Variants in NPAT observed in about 807,000 individuals in gnomAD.
NPAT encodes the protein protein NPAT.
NPAT carries 52 observed loss-of-function variants against 130.7 expected under a neutral mutation model. The ratio of observed to expected loss-of-function variants is 0.40; its 90% CI spans 0.32 to 0.50. The LOEUF is 0.50. NPAT is among the 20% of genes least tolerant of loss of function. The pLI, the probability that NPAT is intolerant of heterozygous loss-of-function variation, is 0.68. For missense variants in NPAT, 1,687 were observed against 1,662.6 expected, an observed-to-expected ratio of 1.01 and a Z score of -0.26; for synonymous variants, 580 against 584.8, an observed-to-expected ratio of 0.99 and a Z score of 0.12.
At chr11:108,210,616 T>C (rs2078375282) in intron 1 of NPAT, among the ~76,000 whole-genome samples, 2 of 152,134 alleles carry the variant, frequency 1.3e-5, no homozygotes, top group African/African-American at 4.8e-5. Flanking sequence ...TGTTTCTTCA[T>C]AGAAACACAA....
intron 15 of NPAT, among the ~76,000 whole-genome samples, chr11:108,168,665 G>A (rs1295209630): frequency 1.3e-5 from 2 of 152,168 alleles, no homozygotes; most frequent in African/African-American, 4.8e-5. Context: ...CTCAGCCACC[G>A]CTGGTTAAAA....
chr11:108,177,710 T>C (rs1310649849), intron 10 of NPAT, among the ~76,000 whole-genome samples: 1 of 116,054 alleles, frequency 8.6e-6, no homozygotes, highest in Non-Finnish European at 2.0e-5. Context: ...AATCATACTA[T>C]AAAGTTCCCT....
At chr11:108,198,145 G>A (rs894911361) in intron 1 of NPAT, among the ~76,000 whole-genome samples, 5 of 152,290 alleles carry the variant, frequency 3.3e-5, no homozygotes, top group African/African-American at 1.2e-4. Context: ...AATATAGACT[G>A]CATAAAATTA....
At chr11:108,190,312 CAAAAAAAAAAAA>C (rs71047681) in intron 5 of NPAT, 136 bp downstream of exon 5, 9 of 340,440 alleles carry the variant, frequency 2.6e-5, no homozygotes, top group South Asian at 1.0e-4. Flanking sequence ...GACACTGTCT[CAAAAAAAAAAAA>C]AAAAAAAAAA....
chr11:108,172,170 A>G, intron 13 of NPAT, 29 bp downstream of exon 13: 1 of 1,597,598 alleles, frequency 6.3e-7, no homozygotes, highest in Non-Finnish European at 8.6e-7. Flanking sequence ...ACCCAGAGAA[A>G]CAAATTTCAA....
intron 10 of NPAT, among the ~76,000 whole-genome samples, chr11:108,179,816 AAAG>A (rs900162316): frequency 3.9e-5 from 6 of 152,068 alleles, no homozygotes; most frequent in African/African-American, 1.4e-4. Context: ...AATAAAATAA[AAAG>A]AAATCATAAG....
chr11:108,163,744 T>C (rs574313553), intron 15 of NPAT, among the ~76,000 whole-genome samples: 4 of 152,236 alleles, frequency 2.6e-5, no homozygotes, highest in East Asian at 1.9e-4. Flanking sequence ...TCAACAGTTA[T>C]AGAGAAAGCA....
chr11:108,169,856 G>A lies in NPAT; in HGVS notation c.2902-4C>T, dbSNP rs1481254375. ...CTGTCAAAGGCATATGAAGAACCTG[G>A]AAGAGAAAAAGCCATTAATTACACT... On this transcript the variant is annotated splice_polypyrimidine_tract_variant and splice_region_variant and intron_variant, in intron 14 of 17. Transcript: ENST00000278612. The A allele has an allele frequency of 6.2e-7, 1 of 1,612,728 alleles. No homozygotes were observed. The highest frequency in any genetic ancestry group is 1.7e-5 in the Admixed American group (1 of 59,992).
At chr11:108,180,661 A>T (rs2078050541) in intron 10 of NPAT, among the ~76,000 whole-genome samples, 2 of 152,218 alleles carry the variant, frequency 1.3e-5, no homozygotes, top group Admixed American at 6.5e-5. Context: ...CAAACAATGA[A>T]AAATAGAATT....
At chr11:108,202,521 G>A (rs149939096) in intron 1 of NPAT, among the ~76,000 whole-genome samples, 35 of 152,262 alleles carry the variant, frequency 2.3e-4, no homozygotes, top group African/African-American at 7.7e-4. Flanking sequence ...TCATCTACCA[G>A]CTACCAGCCA....
chr11:108,214,785 A>C (rs1396782748), intron 1 of NPAT, among the ~76,000 whole-genome samples: 1 of 152,046 alleles, frequency 6.6e-6, no homozygotes, highest in Non-Finnish European at 1.5e-5. Context: ...GACGCCTGCC[A>C]CCATGCCTGG....
chr11:108,181,123 G>T (rs2078054384), intron 10 of NPAT, among the ~76,000 whole-genome samples: 1 of 152,172 alleles, frequency 6.6e-6, no homozygotes, highest in African/African-American at 2.4e-5. Flanking sequence ...ACCTCAACAG[G>T]ACTGTATTTG....
chr11:108,204,761 G>T (rs1171869809), intron 1 of NPAT, among the ~76,000 whole-genome samples: 1 of 152,218 alleles, frequency 6.6e-6, no homozygotes, highest in South Asian at 2.1e-4. Flanking sequence ...CCTATCATTC[G>T]CTGCCTTGTG....
chr11:108,164,005 T>A (rs376009700), intron 15 of NPAT, among the ~76,000 whole-genome samples: 1 of 152,182 alleles, frequency 6.6e-6, no homozygotes. Context: ...CTGGAGCACA[T>A]GTAGACTGCA....
At chr11:108,189,634 G>A (rs1252676726) in intron 5 of NPAT, among the ~76,000 whole-genome samples, 5 of 152,016 alleles carry the variant, frequency 3.3e-5, no homozygotes, top group Non-Finnish European at 7.4e-5. Context: ...ACTTTGGGAG[G>A]CCGAGGCGGG....
chr11:108,164,137 A>G (rs1272363791), intron 15 of NPAT, among the ~76,000 whole-genome samples: 2 of 152,248 alleles, frequency 1.3e-5, no homozygotes, highest in Non-Finnish European at 2.9e-5. Context: ...TACTGGTAAG[A>G]TGGAAAATAA....
At chr11:108,177,318 T>G (rs2134844404) in intron 10 of NPAT, among the ~76,000 whole-genome samples, 1 of 151,992 alleles carries the variant, frequency 6.6e-6, no homozygotes, top group East Asian at 1.9e-4. Context: ...ATGCCCAGCT[T>G]ATTTTATTAT....
chr11:108,180,024 C>T (rs1591395550), intron 10 of NPAT, among the ~76,000 whole-genome samples: 1 of 152,138 alleles, frequency 6.6e-6, no homozygotes, highest in Middle Eastern at 3.4e-3. Context: ...GGGTTAATAT[C>T]AAGAATATAT....
At position 108,161,391 on chromosome 11, in the gene NPAT, T is replaced by G; in HGVS notation, c.3695A>C (p.Gln1232Pro). Residue 1232 changes from glutamine (Q) to proline (P), a missense_variant, in exon 17 of 18, where the codon CAA (glutamine) becomes CCA (proline). Coordinates refer to ENST00000278612, the MANE Select transcript of NPAT (RefSeq NM_002519.3). ...SVGTAVKDLKQEQTKSASSLI... is the reference protein window; with the variant it reads ...SVGTAVKDLKPEQTKSASSLI... ...AGAACTGGCGGATTTAGTTTGTTCT[T>G]GTTTTAGATCCTTCACAGCTGTACC... 1 of 1,614,230 alleles carries G rather than the reference T, an allele frequency of 6.2e-7. No individual in the cohort carries two copies. The highest frequency in any genetic ancestry group is 8.5e-7 in the Non-Finnish European group (1 of 1,180,040).
Sources: gnomAD v4.1 joint callset for allele counts (sites outside exome capture counted in the v4.1 genomes callset) on GRCh38, gnomAD v4.1.1 for gene constraint, MANE v1.5 for transcripts, NCBI Gene and HGNC (gene_info 2026-07-23, HGNC 2026-07-21) for gene names.